The following CHD9 variants were observed in gnomAD, a reference collection of about 807,000 sequenced individuals.
CHD9 encodes ATP-dependent chromatin remodeler CHD9.
Under a neutral mutation model 316.1 loss-of-function variants are expected in CHD9, and 77 were observed. The observed-to-expected ratio is 0.24, with a 90% confidence interval of 0.20 to 0.29. The LOEUF (loss-of-function observed/expected upper bound fraction) is 0.29. Ranked by LOEUF, CHD9 falls within the 10% of genes least tolerant of loss-of-function variation. The probability of loss-of-function intolerance (pLI) is 1.00; values close to 1 mark genes in which losing one functional copy is unlikely to be tolerated. For synonymous variants in CHD9, 1,129 were observed against 1,158.3 expected (o/e 0.97, Z 0.51); for missense variants, 2,763 against 3,438.1 (o/e 0.80, Z 4.91).
At chr16:53,104,887 T>A (rs2037192968) in intron 1 of CHD9, among the ~76,000 whole-genome samples, 1 of 151,574 alleles carries the variant, frequency 6.6e-6, no homozygotes, top group African/African-American at 2.4e-5. Context: ...TTTTAAAAAA[T>A]CATTTAATGT....
rs191910875 is a variant in CHD9, at chr16:53,252,843, T to C, written c.3862-1595T>C. Among the ~76,000 whole-genome samples the C allele has an allele frequency of 2.6e-5, 4 of 152,078 alleles. No homozygotes were observed. In the East Asian group the frequency reaches 7.7e-4, roughly 29 times the overall value. On this transcript the variant is annotated intron_variant, in intron 17 of 38. Coordinates refer to ENST00000447540, the MANE Select transcript of CHD9 (RefSeq NM_001308319.2). The stretch of plus-strand genomic sequence containing the variant: ...CAGGGAAATGCAAATCAAAACCACA[T>C]TGAAATACCACTTTACTCCTGCAAG...
chr16:53,225,021 A>G (rs747957917), intron 4 of CHD9, among the ~76,000 whole-genome samples: 5 of 152,164 alleles, frequency 3.3e-5, no homozygotes, highest in Non-Finnish European at 5.9e-5. Context: ...TACATGAGGC[A>G]TGGTGTTATC....
At chr16:53,184,591 C>T (rs2043825831) in intron 2 of CHD9, among the ~76,000 whole-genome samples, 1 of 152,134 alleles carries the variant, frequency 6.6e-6, no homozygotes, top group African/African-American at 2.4e-5. Context: ...GTGATCCTCC[C>T]ACCTCAGCCT....
At chr16:53,318,020 A>G (rs754370758) in intron 36 of CHD9, among the ~76,000 whole-genome samples, 192 bp from the exon 37 acceptor site, 3 of 152,104 alleles carry the variant, frequency 2.0e-5, no homozygotes, top group South Asian at 2.1e-4. Flanking sequence ...CCACACCACT[A>G]TTCTCCAGCC....
intron 24 of CHD9, among the ~76,000 whole-genome samples, chr16:53,283,266 TTTA>T (rs1240782194): frequency 6.6e-6 from 1 of 152,210 alleles, no homozygotes; most frequent in Non-Finnish European, 1.5e-5. Flanking sequence ...ACTATCTTAA[TTTA>T]TTATTGCCAT....
rs5816887 is a variant in CHD9 at position 53,091,001 on chromosome 16, AC to A, written c.-165+35933del. 1.8e-3 allele frequency among the ~76,000 whole-genome samples: 269 copies of A among 147,142 alleles called. 1 individual carries two copies. Among genetic ancestry groups the A allele is most frequent in the African/African-American group, 5.9e-3 (236 of 40,320 alleles). ...GTGGTGTGGAGGATGGGAACAGCTC[AC>A]CCCCCCCCGACTGACCGCGGTGAGG... On this transcript the variant is annotated intron_variant, in intron 1 of 38. Transcript: ENST00000447540.
chr16:53,208,299 C>A (rs890961520), intron 2 of CHD9: 1 of 1,278,500 alleles, frequency 7.8e-7, no homozygotes, highest in African/African-American at 1.5e-5. Flanking sequence ...AGAGGGCAAG[C>A]CTTTGTCTGA....
intron 23 of CHD9, 81 bp from the exon 24 acceptor site, chr16:53,274,128 ATTCC>A (rs1246994096): frequency 1.2e-6 from 1 of 816,426 alleles, no homozygotes; most frequent in African/African-American, 1.7e-5. Context: ...CTGTACACAA[ATTCC>A]TTCCTAATTT....
intron 2 of CHD9, among the ~76,000 whole-genome samples, chr16:53,206,359 GA>G (rs77414875): frequency 0.033 from 3,975 of 121,856 alleles, 77 homozygotes; most frequent in South Asian, 0.084. Flanking sequence ...AGGGCACCGG[GA>G]AAAAAAAAAA....
At chr16:53,307,536 AAT>A in intron 32 of CHD9, 143 bp from the exon 33 acceptor site, 13 of 680,278 alleles carry the variant, frequency 1.9e-5, no homozygotes, top group Non-Finnish European at 2.4e-5. Flanking sequence ...GCAGAATTGT[AAT>A]ATATATATAC....
At chr16:53,317,940 C>A in intron 36 of CHD9, among the ~76,000 whole-genome samples, 1 of 151,886 alleles carries the variant, frequency 6.6e-6, no homozygotes, top group African/African-American at 2.4e-5. Context: ...ACCTGTAGTC[C>A]CAGCTACTTG....
intron 1 of CHD9, among the ~76,000 whole-genome samples, chr16:53,140,085 G>A (rs908570063): frequency 6.6e-6 from 1 of 151,092 alleles, no homozygotes; most frequent in Non-Finnish European, 1.5e-5. Flanking sequence ...GCAACAGCAA[G>A]ACCCTATCTT....
intron 4 of CHD9, among the ~76,000 whole-genome samples, chr16:53,224,684 T>C (rs1442978629): frequency 1.3e-5 from 2 of 152,242 alleles, no homozygotes; most frequent in African/African-American, 2.4e-5. Context: ...TACTGAACTA[T>C]TCTCAAATTT....
chr16:53,131,468 TGCGGCCCAGCCCGCCC>T (rs1302322369), intron 1 of CHD9, among the ~76,000 whole-genome samples: 2 of 141,828 alleles, frequency 1.4e-5, no homozygotes, highest in African/African-American at 2.5e-5. Flanking sequence ...TGCCTGCACG[TGCGGCCCAGCCCGCCC>T]GCGGCCCGCC....
chr16:53,325,036 C>CAG lies in CHD9; in HGVS notation c.*145_*146dup. 1.5e-6 allele frequency: 1 copy of CAG among 660,184 alleles called. No individual in the cohort carries two copies. The highest frequency in any genetic ancestry group is 2.5e-6 in the Non-Finnish European group (1 of 407,158). 40.9% of individuals were successfully genotyped at this position (660,184 alleles called of 1,614,324 possible). On this transcript the variant is annotated 3_prime_UTR_variant, in exon 39 of 39. Coordinates refer to ENST00000447540, the MANE Select transcript of CHD9 (RefSeq NM_001308319.2). Reference sequence around the variant, plus strand: ...TTTGTTTAGAAGTGCAAACTGCTTTCAGAGACTTTTTGCATGTAATATTTC... The same window carrying CAG: ...TTTGTTTAGAAGTGCAAACTGCTTTCAGAGAGACTTTTTGCATGTAATATTTC...
chr16:53,155,689 C>A (rs1397706459), intron 1 of CHD9, among the ~76,000 whole-genome samples: 1 of 152,088 alleles, frequency 6.6e-6, no homozygotes, highest in Non-Finnish European at 1.5e-5. Context: ...TATCACTCAC[C>A]AATCACCAGT....
chr16:53,127,183 A>G (rs969274367), intron 1 of CHD9, among the ~76,000 whole-genome samples: 1 of 151,836 alleles, frequency 6.6e-6, no homozygotes, highest in Non-Finnish European at 1.5e-5. Context: ...GCTGGTCTCA[A>G]GCTCCTGGGT....
chr16:53,146,419 G>GTATGTGTATATATA (rs59577921), intron 1 of CHD9, among the ~76,000 whole-genome samples: 3 of 76,704 alleles, frequency 3.9e-5, no homozygotes, highest in African/African-American at 1.8e-4. Flanking sequence ...GTGTGTGTAT[G>GTATGTGTATATATA]TATATATATA....
intron 2 of CHD9, among the ~76,000 whole-genome samples, chr16:53,179,531 A>G (rs1309364814): frequency 1.3e-5 from 2 of 151,632 alleles, no homozygotes; most frequent in Non-Finnish European, 2.9e-5. Flanking sequence ...AATTATTTGC[A>G]GTTTATTTTT....
Sources: allele counts gnomAD v4.1 joint callset (sites outside exome capture counted in the v4.1 genomes callset), GRCh38; gene constraint gnomAD v4.1.1; transcripts MANE v1.5; gene names NCBI Gene and HGNC (gene_info 2026-07-23, HGNC 2026-07-21).